HS3ST4: variants seen among roughly 807,000 people sequenced by gnomAD.
HS3ST4 encodes heparan sulfate-glucosamine 3-sulfotransferase 4.
In HS3ST4, 17 loss-of-function variants were observed where a neutral mutation model predicts 29.2. That is an observed-to-expected ratio of 0.58 (90% confidence interval 0.40 to 0.87). The LOEUF (loss-of-function observed/expected upper bound fraction) is 0.87. Among genes scored for constraint, HS3ST4 ranks in the 40% least tolerant of loss-of-function variants. The probability of loss-of-function intolerance (pLI) is 0.00; values close to 1 mark genes in which losing one functional copy is unlikely to be tolerated. For synonymous variants in HS3ST4, 314 were observed against 285.7 expected (o/e 1.10, Z -1.00); for missense variants, 627 against 634.5 (o/e 0.99, Z 0.13).
intron 1 of HS3ST4, among the ~76,000 whole-genome samples, chr16:25,990,225 G>A (rs1969102607): frequency 6.6e-6 from 1 of 152,178 alleles, no homozygotes; most frequent in African/African-American, 2.4e-5. Context: ...ACATCTGTTT[G>A]CAGGTTTTTG....
intron 1 of HS3ST4, chr16:25,824,609 C>T (rs955406386): frequency 6.6e-6 from 1 of 152,146 alleles, no homozygotes; most frequent in Admixed American, 6.5e-5. Flanking sequence ...AATTACCTCC[C>T]ACCAGGTCCC....
chr16:25,704,014 C>A (rs754183180), intron 1 of HS3ST4, among the ~76,000 whole-genome samples: 1 of 152,204 alleles, frequency 6.6e-6, no homozygotes, highest in Non-Finnish European at 1.5e-5. Context: ...GACCAGAAAT[C>A]GATCTTGTCC....
intron 1 of HS3ST4, among the ~76,000 whole-genome samples, chr16:25,746,570 T>TA (rs397739834): frequency 3.3e-5 from 5 of 151,744 alleles, no homozygotes; most frequent in African/African-American, 1.2e-4. Flanking sequence ...TTTTTTTTTT[T>TA]AGACGGAGTC....
At chr16:25,967,181 C>T (rs948711825) in intron 1 of HS3ST4, among the ~76,000 whole-genome samples, 3 of 152,068 alleles carry the variant, frequency 2.0e-5, no homozygotes, top group Non-Finnish European at 4.4e-5. Flanking sequence ...GACGGAATCT[C>T]GCTCGCTCTA....
intron 1 of HS3ST4, among the ~76,000 whole-genome samples, chr16:25,922,112 A>G (rs1248196413): frequency 6.6e-6 from 1 of 152,076 alleles, no homozygotes; most frequent in Non-Finnish European, 1.5e-5. Context: ...GGGCTGACTT[A>G]TGGCTTCTTC....
intron 1 of HS3ST4, among the ~76,000 whole-genome samples, chr16:26,028,699 A>G (rs1009546671): frequency 3.3e-5 from 5 of 152,328 alleles, no homozygotes; most frequent in Non-Finnish European, 5.9e-5. Context: ...CCACATCTCC[A>G]TGTGCACTTC....
At chr16:25,834,097 A>G (rs1467616895) in intron 1 of HS3ST4, among the ~76,000 whole-genome samples, 1 of 152,232 alleles carries the variant, frequency 6.6e-6, no homozygotes, top group Non-Finnish European at 1.5e-5. Flanking sequence ...TGTCAGTTCA[A>G]CTGCTTTAGG....
intron 1 of HS3ST4, among the ~76,000 whole-genome samples, chr16:25,943,930 A>T (rs1317838281): frequency 6.6e-6 from 1 of 152,070 alleles, no homozygotes; most frequent in Non-Finnish European, 1.5e-5. Flanking sequence ...ACATTTAGAT[A>T]TTTAACTATA....
intron 1 of HS3ST4, among the ~76,000 whole-genome samples, chr16:25,729,892 A>G (rs532951252): frequency 1.3e-5 from 2 of 152,316 alleles, no homozygotes; most frequent in East Asian, 1.9e-4. Flanking sequence ...TTTCCAGAGC[A>G]TTAAATGAGA....
rs150539734 is a variant in HS3ST4, at chr16:25,771,601, T to C, written c.734+78450T>C. ...GTGGAAAGAACGGGTTGCTTTTTTC[T>C]CTGAAGACTTCTCATTGCTCTCCTT... On this transcript the variant is annotated intron_variant, in intron 1 of 1. Coordinates refer to ENST00000331351, the MANE Select transcript of HS3ST4 (RefSeq NM_006040.3). Among the ~76,000 whole-genome samples, 47 of 152,258 alleles carry C rather than the reference T, an allele frequency of 3.1e-4. No individual in the cohort carries two copies. In the East Asian group the frequency reaches 8.7e-3, roughly 28 times the overall value.
intron 1 of HS3ST4, among the ~76,000 whole-genome samples, chr16:25,939,228 A>T (rs1968549474): frequency 1.3e-5 from 2 of 151,966 alleles, no homozygotes; most frequent in African/African-American, 2.4e-5. Context: ...AAGTAACCAG[A>T]TCTTACAGGT....
intron 1 of HS3ST4, among the ~76,000 whole-genome samples, chr16:25,741,456 T>C (rs1596557829): frequency 1.3e-5 from 2 of 151,108 alleles, no homozygotes. Context: ...ACAAAGTACT[T>C]TGAGGGTCCT....
At chr16:25,716,132 A>T (rs989119905) in intron 1 of HS3ST4, among the ~76,000 whole-genome samples, 1 of 152,224 alleles carries the variant, frequency 6.6e-6, no homozygotes, top group Non-Finnish European at 1.5e-5. Context: ...TTACTGCAAC[A>T]AGATGAGTTG....
chr16:25,901,618 G>A lies in HS3ST4; in HGVS notation c.734+208467G>A, dbSNP rs539102391. On this transcript the variant is annotated intron_variant, in intron 1 of 1. Transcript: ENST00000331351. ...GAACCCAGGAGGCAGAGGTTGCAATGAGCCGAGATCGTGCCACTGCACTCC... is the reference window on the plus strand; with the variant it reads ...GAACCCAGGAGGCAGAGGTTGCAATAAGCCGAGATCGTGCCACTGCACTCC... Among the ~76,000 whole-genome samples the A allele has an allele frequency of 2.0e-5, 3 of 152,328 alleles. No individual in the cohort carries two copies. In the East Asian group the frequency reaches 5.8e-4, roughly 29 times the overall value.
rs770238617 is a variant in HS3ST4 at position 25,693,044 on chromosome 16, G to A, written c.627G>A (p.Gly209=). The A allele has an allele frequency of 5.6e-6, 9 of 1,611,212 alleles. No individual in the cohort carries two copies. The Admixed American group carries it at 1.2e-4, about 21-fold the overall frequency. ...TCATCATCGGGGTCAAGAAAGGAGG[G>A]ACCCGCGCGCTGCTGGAGGCGATCC... ...QALIIGVKKG[G]TRALLEAIRV... is the part of the protein sequence containing the mutation. The change falls in exon 1 of 2, where the codon GGG becomes GGA. Residue 209 remains glycine, a synonymous_variant. Transcript: ENST00000331351.
intron 1 of HS3ST4, among the ~76,000 whole-genome samples, chr16:25,768,479 G>A (rs534802258): frequency 6.6e-6 from 1 of 152,136 alleles, no homozygotes; most frequent in East Asian, 1.9e-4. Context: ...ATTCAGGGCA[G>A]GGGATCTCAC....
chr16:26,074,808 G>A (rs999325279), intron 1 of HS3ST4, among the ~76,000 whole-genome samples: 5 of 152,060 alleles, frequency 3.3e-5, no homozygotes, highest in Non-Finnish European at 7.3e-5. Flanking sequence ...CTATATATGT[G>A]AATGCACATG....
intron 1 of HS3ST4, among the ~76,000 whole-genome samples, chr16:25,964,891 T>C (rs1567282863): frequency 1.3e-5 from 2 of 152,308 alleles, no homozygotes; most frequent in Admixed American, 1.3e-4. Context: ...ATTATATACA[T>C]GTAATTTTAC....
intron 1 of HS3ST4, among the ~76,000 whole-genome samples, chr16:25,798,820 C>T (rs894205560): frequency 3.9e-5 from 6 of 152,142 alleles, no homozygotes; most frequent in South Asian, 2.1e-4. Context: ...AGCCTGTAGT[C>T]CCAGTATGAC....
Sources: gnomAD v4.1 joint callset for allele counts (sites outside exome capture counted in the v4.1 genomes callset) on GRCh38, gnomAD v4.1.1 for gene constraint, MANE v1.5 for transcripts, NCBI Gene and HGNC (gene_info 2026-07-23, HGNC 2026-07-21) for gene names.